SLC49A4: variants seen among roughly 807,000 people sequenced by gnomAD.
SLC49A4 encodes the protein disrupted in renal cancer protein 2.
SLC49A4 carries 36 observed loss-of-function variants against 50.6 expected under a neutral mutation model. The observed-to-expected ratio is 0.71, with a 90% CI of 0.55 to 0.94. The LOEUF (loss-of-function observed/expected upper bound fraction) is 0.94. Ranked by LOEUF, SLC49A4 falls within the 40% of genes least tolerant of loss-of-function variation. The pLI, the probability that SLC49A4 is intolerant of heterozygous loss-of-function variation, is 0.00. For synonymous variants in SLC49A4, 248 were observed against 241.2 expected, an observed-to-expected ratio of 1.03 and a Z score of -0.26; for missense variants, 503 against 605.7, an observed-to-expected ratio of 0.83 and a Z score of 1.78.
chr3:122,870,512 C>G (rs75429201), intron 7 of SLC49A4, among the ~76,000 whole-genome samples: 3,681 of 150,566 alleles, frequency 0.024, 138 homozygotes, highest in African/African-American at 0.082. Flanking sequence ...CCAGCTTGAT[C>G]GATAGATTAT....
At chr3:122,870,587 T>C (rs1198278804) in intron 7 of SLC49A4, among the ~76,000 whole-genome samples, 1 of 149,530 alleles carries the variant, frequency 6.7e-6, no homozygotes, top group Non-Finnish European at 1.5e-5. Context: ...GGCAGGTGGA[T>C]CACTTGAGGT....
At chr3:122,833,530 A>G in intron 4 of SLC49A4, 84 bp downstream of exon 4, 1 of 1,332,930 alleles carries the variant, frequency 7.5e-7, no homozygotes, top group Non-Finnish European at 1.0e-6. Context: ...TTAAGATAGT[A>G]ATTTTTCAGC....
At chr3:122,867,212 A>G (rs1056781715) in intron 7 of SLC49A4, among the ~76,000 whole-genome samples, 1 of 152,152 alleles carries the variant, frequency 6.6e-6, no homozygotes, top group Non-Finnish European at 1.5e-5. Context: ...TGGTTCTGTC[A>G]TATAATGTGC....
chr3:122,803,387 G>T (rs1936161747), intron 1 of SLC49A4, among the ~76,000 whole-genome samples: 1 of 152,212 alleles, frequency 6.6e-6, no homozygotes, highest in African/African-American at 2.4e-5. Context: ...GGTTTCTGGA[G>T]TTGAGGAGGT....
At chr3:122,878,041 T>G (rs1458772992) in intron 8 of SLC49A4, among the ~76,000 whole-genome samples, 1 of 152,212 alleles carries the variant, frequency 6.6e-6, no homozygotes, top group Non-Finnish European at 1.5e-5. Flanking sequence ...AAAAAGGTAT[T>G]GCAGCACCTT....
intron 1 of SLC49A4, among the ~76,000 whole-genome samples, chr3:122,798,275 A>G (rs1420911672): frequency 6.6e-6 from 1 of 152,150 alleles, no homozygotes; most frequent in Non-Finnish European, 1.5e-5. Flanking sequence ...TTATTCCCCA[A>G]ATTTAGCCAA....
In SLC49A4 at chr3:122,797,854, G is replaced by A. The variant is rs373913519; in HGVS notation, c.343+2319G>A. 7.9e-5 allele frequency among the ~76,000 whole-genome samples: 12 copies of A among 152,152 alleles called. No individual in the cohort carries two copies. The South Asian group carries it at 1.2e-3, about 16-fold the overall frequency. On this transcript the variant is annotated intron_variant, in intron 1 of 8. Transcript: ENST00000261038. ...AAATTAGCCAGACATGTTGGCATGC[G>A]CCTGTAGTCTTAGTTACTGGGGAGG...
chr3:122,842,340 A>G (rs1025607825), intron 4 of SLC49A4, among the ~76,000 whole-genome samples: 1 of 151,824 alleles, frequency 6.6e-6, no homozygotes, highest in African/African-American at 2.4e-5. Flanking sequence ...CAAAAAATTA[A>G]CCGGGCTTGG....
intron 7 of SLC49A4, among the ~76,000 whole-genome samples, chr3:122,864,823 G>A (rs1314499650): frequency 6.6e-6 from 1 of 152,186 alleles, no homozygotes; most frequent in Non-Finnish European, 1.5e-5. Flanking sequence ...AGATCAGCCT[G>A]AGCAACATAG....
rs749357639 is a variant in SLC49A4, at chr3:122,872,527, T to C, written c.1251T>C (p.Cys417=). The C allele has an allele frequency of 6.2e-7, 1 of 1,612,416 alleles. No individual in the cohort carries two copies. Among genetic ancestry groups the C allele is most frequent in the South Asian group, 1.1e-5 (1 of 90,980 alleles). The part of the protein sequence containing the change: ...TVYPVPEGIT[C]GVVTFLSNMF... ...ACCCAGTTCCAGAAGGAATTACTTG[T>C]GGAGTTGTCACTTTTTTAAGTAATA... Residue 417 remains cysteine, a synonymous_variant, in exon 8 of 9, where the codon TGT becomes TGC. Transcript: ENST00000261038.
In SLC49A4 at chr3:122,808,481, A is replaced by G. The variant is rs140737805; in HGVS notation, c.437+1531A>G. On this transcript the variant is annotated intron_variant, in intron 2 of 8. Transcript: ENST00000261038. ...AGCATTATATGCAGAGAGAACCGCA[A>G]GAGTTCAGGGTGGAAGAGGGACAGG... 5.1e-3 allele frequency among the ~76,000 whole-genome samples: 782 copies of G among 152,322 alleles called. 8 individuals carry two copies. The highest frequency in any genetic ancestry group is 9.3e-3 in the Non-Finnish European group (631 of 68,014).
chr3:122,846,497 A>G (rs1407194631), intron 5 of SLC49A4, among the ~76,000 whole-genome samples: 1 of 152,214 alleles, frequency 6.6e-6, no homozygotes, highest in East Asian at 1.9e-4. Flanking sequence ...ACAATGCTGT[A>G]TTAACACTCT....
chr3:122,828,663 T>C (rs1936569514), intron 3 of SLC49A4, among the ~76,000 whole-genome samples: 1 of 152,168 alleles, frequency 6.6e-6, no homozygotes, highest in African/African-American at 2.4e-5. Context: ...TTTGATGACA[T>C]TTACATTTCA....
Position 122,878,669 on chromosome 3 carries a change from G to A in SLC49A4, c.1322-594G>A, listed in dbSNP as rs552095044. 3.9e-5 allele frequency among the ~76,000 whole-genome samples: 6 copies of A among 152,284 alleles called. No homozygotes were observed. In the East Asian group the frequency reaches 1.2e-3, roughly 29 times the overall value. On this transcript the variant is annotated intron_variant, in intron 8 of 8. Coordinates refer to ENST00000261038, the MANE Select transcript of SLC49A4 (RefSeq NM_032839.3). Reference sequence around the variant, plus strand: ...AACCATTCATGCTGGTAGAGAAAAAGACTAGAAAGAAATAAGCCAAAATAT... The same window carrying A: ...AACCATTCATGCTGGTAGAGAAAAAAACTAGAAAGAAATAAGCCAAAATAT...
chr3:122,843,906 C>T (rs1168531908), intron 4 of SLC49A4, among the ~76,000 whole-genome samples: 1 of 152,290 alleles, frequency 6.6e-6, no homozygotes, highest in East Asian at 1.9e-4. Context: ...TCAAGATGCA[C>T]CCCTGCTGCT....
intron 6 of SLC49A4, among the ~76,000 whole-genome samples, chr3:122,859,686 A>C (rs180744591): frequency 1.8e-3 from 268 of 152,188 alleles, no homozygotes; most frequent in African/African-American, 5.2e-3. Context: ...TACACACACA[A>C]AAAAATAATA....
At chr3:122,799,286 A>T (rs540732764) in intron 1 of SLC49A4, among the ~76,000 whole-genome samples, 1 of 152,240 alleles carries the variant, frequency 6.6e-6, no homozygotes, top group African/African-American at 2.4e-5. Flanking sequence ...ATAGAGTGGT[A>T]TCATACTTTA....
chr3:122,860,764 C>A (rs1048705383), intron 7 of SLC49A4, among the ~76,000 whole-genome samples: 1 of 152,158 alleles, frequency 6.6e-6, no homozygotes, highest in African/African-American at 2.4e-5. Flanking sequence ...ATCATCAATT[C>A]AGAGTCTATT....
chr3:122,799,070 G>A (rs1349369880), intron 1 of SLC49A4, among the ~76,000 whole-genome samples: 1 of 152,106 alleles, frequency 6.6e-6, no homozygotes, highest in Non-Finnish European at 1.5e-5. Context: ...AAGACCAAGT[G>A]TGCCCTCGAA....
Sources: gnomAD v4.1 joint callset for allele counts (sites outside exome capture counted in the v4.1 genomes callset) on GRCh38, gnomAD v4.1.1 for gene constraint, MANE v1.5 for transcripts, NCBI Gene and HGNC (gene_info 2026-07-23, HGNC 2026-07-21) for gene names.